Variants in GSE1 observed in about 807,000 individuals in gnomAD.
GSE1 encodes the protein genetic suppressor element 1.
Under a neutral mutation model 112.6 loss-of-function variants are expected in GSE1, and 32 were observed. That is an observed-to-expected ratio of 0.28 (90% confidence interval 0.21 to 0.38). The LOEUF (loss-of-function observed/expected upper bound fraction) is 0.38. Ranked by LOEUF, GSE1 falls within the 10% of genes least tolerant of loss-of-function variation. The pLI is 1.00. For synonymous variants in GSE1, 1,115 were observed against 735.6 expected, an observed-to-expected ratio of 1.52 and a Z score of -8.35; for missense variants, 2,348 against 1,699.2, an observed-to-expected ratio of 1.38 and a Z score of -6.71.
At chr16:85,613,426 G>A in intron 1 of GSE1, 28 bp downstream of exon 1, 2 of 1,543,610 alleles carry the variant, frequency 1.3e-6, no homozygotes, top group Non-Finnish European at 1.8e-6. Context: ...GGCCGGGGAC[G>A]GGGTCCTCCC....
intron 2 of GSE1, 133 bp from the exon 3 acceptor site, chr16:85,648,419 C>T: frequency 1.7e-6 from 1 of 592,216 alleles, no homozygotes; most frequent in Non-Finnish European, 3.0e-6. Context: ...GGTGGGGGCC[C>T]ATGAGGCTGG....
upstream of GSE1, among the ~76,000 whole-genome samples, chr16:85,611,241 A>G (rs1158499698): frequency 1.3e-5 from 2 of 150,910 alleles, no homozygotes; most frequent in African/African-American, 2.4e-5. Flanking sequence ...GTCGTCGTCC[A>G]TTCCTTCCTA....
At chr16:85,555,211 A>G, upstream of GSE1, 1 of 985,330 alleles carries the variant, frequency 1.0e-6, no homozygotes, top group Non-Finnish European at 1.2e-6. Flanking sequence ...CAATTTACCG[A>G]TAATGATTCT....
chr16:85,614,058 C>A (rs560463671), intron 1 of GSE1, among the ~76,000 whole-genome samples: 10 of 151,160 alleles, frequency 6.6e-5, no homozygotes, highest in Middle Eastern at 6.8e-3. Context: ...TCTCTCCCCC[C>A]ACCCCCGGCG....
At chr16:85,200,291 C>T (rs761443082) in intron 1 of GSE1, among the ~76,000 whole-genome samples, 3 of 151,956 alleles carry the variant, frequency 2.0e-5, no homozygotes, top group Non-Finnish European at 4.4e-5. Flanking sequence ...TTTTTCCTAT[C>T]TCCCACGGCA....
intron 13 of GSE1, among the ~76,000 whole-genome samples, chr16:85,667,051 C>G (rs1265766311): frequency 6.6e-6 from 1 of 152,248 alleles, no homozygotes; most frequent in Non-Finnish European, 1.5e-5. Context: ...ATATCAGGGA[C>G]TTGAACATCC....
At chr16:85,536,814 C>T (rs910972995) in intron 2 of GSE1, among the ~76,000 whole-genome samples, 2 of 152,218 alleles carry the variant, frequency 1.3e-5, no homozygotes, top group African/African-American at 2.4e-5. Context: ...GATTTTGCCA[C>T]TGCTACAGGC....
chr16:85,611,476 G>C (rs892647488), upstream of GSE1: 11 of 985,176 alleles, frequency 1.1e-5, no homozygotes, highest in African/African-American at 1.7e-4. Context: ...TGAGCTGGCG[G>C]GTCGTGCGGG....
chr16:85,230,071 G>C (rs970779872), intron 1 of GSE1, among the ~76,000 whole-genome samples: 1 of 152,206 alleles, frequency 6.6e-6, no homozygotes, highest in African/African-American at 2.4e-5. Context: ...TGGCTGCTGC[G>C]TGGGCAGCTG....
At chr16:85,466,883 A>G (rs1246105836) in intron 2 of GSE1, among the ~76,000 whole-genome samples, 1 of 152,110 alleles carries the variant, frequency 6.6e-6, no homozygotes, top group South Asian at 2.1e-4. Flanking sequence ...GAAATGGCGA[A>G]GCCTCATCTC....
At chr16:85,195,539 T>G (rs931607111) in intron 1 of GSE1, among the ~76,000 whole-genome samples, 1 of 152,214 alleles carries the variant, frequency 6.6e-6, no homozygotes, top group Non-Finnish European at 1.5e-5. Context: ...TCTTGGAGTA[T>G]TGCTCTATGC....
At chr16:85,613,157 G>A (rs118085981), upstream of GSE1, 27,902 of 1,357,320 alleles carry the variant, frequency 0.021, 372 homozygotes, top group Non-Finnish European at 0.025. Flanking sequence ...GCTGGCTGAG[G>A]TCAGGGAGCC....
intron 1 of GSE1, among the ~76,000 whole-genome samples, chr16:85,309,364 C>T (rs1441290492): frequency 6.6e-6 from 1 of 151,988 alleles, no homozygotes; most frequent in Non-Finnish European, 1.5e-5. Context: ...CATGGTGGCA[C>T]CTGTCTGTGG....
At chr16:85,462,401 T>C (rs1567506418) in intron 2 of GSE1, among the ~76,000 whole-genome samples, 1 of 151,836 alleles carries the variant, frequency 6.6e-6, no homozygotes, top group Non-Finnish European at 1.5e-5. Flanking sequence ...CCTCCTCTCC[T>C]GGTGCCTGTC....
intron 1 of GSE1, among the ~76,000 whole-genome samples, chr16:85,344,364 T>C (rs1056807681): frequency 6.6e-6 from 1 of 152,140 alleles, no homozygotes; most frequent in Non-Finnish European, 1.5e-5. Flanking sequence ...CCCGGAACCC[T>C]GGGCCGAGCG....
intron 2 of GSE1, among the ~76,000 whole-genome samples, chr16:85,535,683 T>C (rs1050473391): frequency 6.6e-6 from 1 of 152,198 alleles, no homozygotes; most frequent in Non-Finnish European, 1.5e-5. Context: ...ATCACTGACC[T>C]GGAGCTGCAT....
chr16:85,582,984 G>A (rs981269013), intron 1 of GSE1, among the ~76,000 whole-genome samples: 4 of 152,162 alleles, frequency 2.6e-5, no homozygotes, highest in African/African-American at 4.8e-5. Flanking sequence ...CCACACATGC[G>A]TGCTTGAGCA....
chr16:85,478,919 CTTTCTTTCTCTT>C (rs1322160388), intron 2 of GSE1, among the ~76,000 whole-genome samples: 570 of 45,366 alleles, frequency 0.013, 9 homozygotes, highest in Middle Eastern at 0.035. Context: ...TTCTTTCTTT[CTTTCTTTCTCTT>C]TCTTTCTTTC....
chr16:85,663,729 C>A, intron 11 of GSE1, 115 bp downstream of exon 11: 1 of 1,093,838 alleles, frequency 9.1e-7, no homozygotes, highest in Non-Finnish European at 1.3e-6. Flanking sequence ...GAGCCTGAGG[C>A]TGCCCCTTTA....
Sources: allele counts gnomAD v4.1 joint callset (sites outside exome capture counted in the v4.1 genomes callset), GRCh38; gene constraint gnomAD v4.1.1; transcripts MANE v1.5; gene names NCBI Gene and HGNC (gene_info 2026-07-23, HGNC 2026-07-21).